CCSER1: variants seen among roughly 807,000 people sequenced by gnomAD.
CCSER1 encodes coiled-coil serine rich protein 1, also known as serine-rich coiled-coil domain-containing protein 1.
A neutral mutation model predicts 82.0 loss-of-function variants in CCSER1; 41 were observed. That is an observed-to-expected ratio of 0.50 (90% CI 0.39 to 0.65). CCSER1 has a LOEUF of 0.65. CCSER1 is among the 30% of genes least tolerant of loss of function. CCSER1 has a pLI of 0.00. For missense variants in CCSER1, 1,119 were observed against 1,064.2 expected, an observed-to-expected ratio of 1.05 and a Z score of -0.72; for synonymous variants, 414 against 383.9, an observed-to-expected ratio of 1.08 and a Z score of -0.92.
chr4:90,725,604 T>C (rs1743495989), intron 7 of CCSER1, among the ~76,000 whole-genome samples: 1 of 151,468 alleles, frequency 6.6e-6, no homozygotes, highest in Non-Finnish European at 1.5e-5. Context: ...AACTTAAAAA[T>C]CAAAATTATG....
intron 10 of CCSER1, among the ~76,000 whole-genome samples, chr4:91,524,226 A>G (rs534031848): frequency 8.2e-4 from 125 of 152,308 alleles, no homozygotes; most frequent in Middle Eastern, 3.4e-3. Context: ...ATTTCTGTGA[A>G]GGCCCTTCAT....
At chr4:90,650,156 G>C (rs1728459733) in intron 6 of CCSER1, among the ~76,000 whole-genome samples, 1 of 152,120 alleles carries the variant, frequency 6.6e-6, no homozygotes, top group African/African-American at 2.4e-5. Context: ...GGGAGAGGTT[G>C]CAGTGAGCCG....
At chr4:90,176,265 A>C (rs899273944) in intron 1 of CCSER1, among the ~76,000 whole-genome samples, 3 of 152,000 alleles carry the variant, frequency 2.0e-5, no homozygotes, top group African/African-American at 7.2e-5. Context: ...TGAATTCAGG[A>C]AAAAGAGTTA....
At chr4:90,401,362 G>A (rs1012298850) in intron 4 of CCSER1, among the ~76,000 whole-genome samples, 1 of 152,108 alleles carries the variant, frequency 6.6e-6, no homozygotes, top group Non-Finnish European at 1.5e-5. Flanking sequence ...AATAGTACAT[G>A]CATATAATTA....
At chr4:90,708,277 T>G (rs556063135) in intron 6 of CCSER1, among the ~76,000 whole-genome samples, 20 of 152,334 alleles carry the variant, frequency 1.3e-4, no homozygotes, top group Non-Finnish European at 2.1e-4. Flanking sequence ...GATCTGAGGC[T>G]TAATGTTCTC....
rs1560716173 is a variant in CCSER1, at chr4:91,496,593, TATATATTTGA to T, written c.2218-101972_2218-101963del. Among the ~76,000 whole-genome samples, 93 of 22,950 alleles carry T rather than the reference TATATATTTGA, an allele frequency of 4.1e-3. 4 individuals carry two copies. Among genetic ancestry groups the T allele is most frequent in the Non-Finnish European group, 7.1e-3 (60 of 8,400 alleles). The allele number at this position is 22,950 out of a possible 152,430, so 15.1% of individuals were successfully genotyped here. ...ATATATATATATATATATACACGAA[TATATATTTGA>T]ATATATATATACACGAATATATATT... On this transcript the variant is annotated intron_variant, in intron 10 of 10. Transcript: ENST00000509176.
chr4:91,285,561 C>T (rs1011050421), intron 10 of CCSER1, among the ~76,000 whole-genome samples: 2 of 151,458 alleles, frequency 1.3e-5, no homozygotes, highest in African/African-American at 4.8e-5. Context: ...TGAGTTAATC[C>T]TACTAAAAAT....
intron 10 of CCSER1, among the ~76,000 whole-genome samples, chr4:91,205,773 C>G (rs1038239493): frequency 2.6e-5 from 4 of 151,240 alleles, no homozygotes; most frequent in African/African-American, 7.3e-5. Flanking sequence ...TTTTGAGGCT[C>G]TGGACATATA....
At chr4:90,298,699 G>C (rs1732494351) in intron 1 of CCSER1, among the ~76,000 whole-genome samples, 1 of 151,958 alleles carries the variant, frequency 6.6e-6, no homozygotes, top group Admixed American at 6.6e-5. Context: ...TTGTGTCTTT[G>C]TTCTCATTGG....
intron 8 of CCSER1, among the ~76,000 whole-genome samples, chr4:90,848,594 TTA>T (rs1763480716): frequency 1.3e-5 from 2 of 152,196 alleles, no homozygotes; most frequent in Non-Finnish European, 2.9e-5. Flanking sequence ...CTCATTTTAG[TTA>T]CTCAGAATTA....
chr4:91,168,398 G>A (rs1297595056), intron 10 of CCSER1, among the ~76,000 whole-genome samples: 21 of 139,506 alleles, frequency 1.5e-4, no homozygotes, highest in Admixed American at 1.4e-3. Context: ...GCCTCTGCCT[G>A]GCCGCCCCGT....
intron 1 of CCSER1, among the ~76,000 whole-genome samples, chr4:90,304,652 G>A (rs191700912): frequency 2.1e-4 from 32 of 152,140 alleles, no homozygotes; most frequent in Non-Finnish European, 3.5e-4. Flanking sequence ...CTGTTGTGGG[G>A]TGGGGAGAGT....
intron 3 of CCSER1, among the ~76,000 whole-genome samples, chr4:90,390,643 A>T (rs1042540822): frequency 6.6e-6 from 1 of 152,172 alleles, no homozygotes; most frequent in Non-Finnish European, 1.5e-5. Context: ...GTGGTATTCC[A>T]TAGTGTATAT....
At chr4:90,866,005 G>C (rs1765686283) in intron 8 of CCSER1, among the ~76,000 whole-genome samples, 1 of 151,888 alleles carries the variant, frequency 6.6e-6, no homozygotes, top group South Asian at 2.1e-4. Flanking sequence ...AGGGAAGCCA[G>C]ATTTTGCAGT....
chr4:90,691,961 G>T (rs944921657), intron 6 of CCSER1, among the ~76,000 whole-genome samples: 1 of 147,880 alleles, frequency 6.8e-6, no homozygotes, highest in African/African-American at 2.5e-5. Context: ...TGTTCTGGAA[G>T]AACACACCAA....
At chr4:90,751,761 T>G (rs1300029744) in intron 7 of CCSER1, among the ~76,000 whole-genome samples, 2 of 152,086 alleles carry the variant, frequency 1.3e-5, no homozygotes, top group Non-Finnish European at 2.9e-5. Flanking sequence ...TTAAGCTATG[T>G]GTTCCTTTTT....
chr4:91,147,761 G>T (rs1033064628), intron 10 of CCSER1, among the ~76,000 whole-genome samples: 2 of 152,176 alleles, frequency 1.3e-5, no homozygotes, highest in African/African-American at 2.4e-5. Flanking sequence ...ATTAGGTAAT[G>T]TACCATGAAA....
chr4:90,413,685 C>G (rs1755248862), intron 4 of CCSER1, among the ~76,000 whole-genome samples: 1 of 151,486 alleles, frequency 6.6e-6, no homozygotes, highest in African/African-American at 2.4e-5. Flanking sequence ...ATATATGTTC[C>G]TCCCTCACGC....
chr4:91,507,357 G>T (rs1007808196), intron 10 of CCSER1, among the ~76,000 whole-genome samples: 1 of 152,012 alleles, frequency 6.6e-6, no homozygotes, highest in South Asian at 2.1e-4. Flanking sequence ...TTGTGATTTT[G>T]ATTTTCATTT....
Sources: allele counts gnomAD v4.1 joint callset (sites outside exome capture counted in the v4.1 genomes callset), GRCh38; gene constraint gnomAD v4.1.1; transcripts MANE v1.5; gene names NCBI Gene and HGNC (gene_info 2026-07-23, HGNC 2026-07-21).